The following PRKAR2B variants were observed in gnomAD, a reference collection of about 807,000 sequenced individuals.
PRKAR2B encodes the protein cAMP-dependent protein kinase type II-beta regulatory subunit.
A neutral mutation model predicts 49.9 loss-of-function variants in PRKAR2B; 14 were observed. That is an observed-to-expected ratio of 0.28 (90% CI 0.19 to 0.44). The LOEUF (loss-of-function observed/expected upper bound fraction) is 0.44, where lower values mean the gene tolerates loss of function less well. PRKAR2B is among the 20% of genes least tolerant of loss of function. The pLI, the probability that PRKAR2B is intolerant of heterozygous loss-of-function variation, is 1.00. For synonymous variants in PRKAR2B, 196 were observed against 197.7 expected, an observed-to-expected ratio of 0.99 and a Z score of 0.07; for missense variants, 393 against 537.9, an observed-to-expected ratio of 0.73 and a Z score of 2.67.
At chr7:107,075,711 G>A (rs982270759) in intron 2 of PRKAR2B, among the ~76,000 whole-genome samples, 7 of 152,070 alleles carry the variant, frequency 4.6e-5, no homozygotes, top group South Asian at 2.1e-4. Context: ...CCCCAGCAGA[G>A]AGTCTAGGCT....
At chr7:107,074,259 A>G (rs1794347458) in intron 2 of PRKAR2B, among the ~76,000 whole-genome samples, 1 of 151,660 alleles carries the variant, frequency 6.6e-6, no homozygotes, top group Non-Finnish European at 1.5e-5. Context: ...GTACGCCACC[A>G]TGCCTGGCTA....
intron 2 of PRKAR2B, among the ~76,000 whole-genome samples, chr7:107,090,830 A>G (rs1182005759): frequency 6.6e-6 from 1 of 152,254 alleles, no homozygotes; most frequent in African/African-American, 2.4e-5. Flanking sequence ...AATACTTAAC[A>G]TAGAATGACA....
At chr7:107,085,707 A>T (rs991250536) in intron 2 of PRKAR2B, among the ~76,000 whole-genome samples, 18 of 152,102 alleles carry the variant, frequency 1.2e-4, no homozygotes, top group Non-Finnish European at 2.6e-4. Context: ...TTAATAGTGT[A>T]TTGTGTTCTA....
At chr7:107,096,208 G>A (rs561976743) in intron 2 of PRKAR2B, among the ~76,000 whole-genome samples, 3 of 152,210 alleles carry the variant, frequency 2.0e-5, no homozygotes, top group South Asian at 2.1e-4. Context: ...TTAGGGATTC[G>A]ACTTTTTCCT....
At chr7:107,072,874 A>G (rs182616476) in intron 2 of PRKAR2B, among the ~76,000 whole-genome samples, 59 of 152,332 alleles carry the variant, frequency 3.9e-4, no homozygotes, top group Middle Eastern at 3.4e-3. Flanking sequence ...TAATGTAAGA[A>G]TGGTAATTTA....
At chr7:107,138,826 A>G (rs1291834794) in intron 4 of PRKAR2B, among the ~76,000 whole-genome samples, 1 of 152,038 alleles carries the variant, frequency 6.6e-6, no homozygotes, top group Non-Finnish European at 1.5e-5. Context: ...TGAGACGACA[A>G]GTGTGCACCA....
Position 107,137,608 on chromosome 7 carries a change from A to G in PRKAR2B, c.481-3239A>G, listed in dbSNP as rs114582210. ...GAAGATCATGCATATCTAAAATTTT[A>G]TTAAATTTTGACAAATGGCTTTTTT... On this transcript the variant is annotated intron_variant, in intron 4 of 10. Transcript: ENST00000265717. Among the ~76,000 whole-genome samples the G allele has an allele frequency of 9.6e-3, 1,466 of 152,292 alleles. 25 individuals carry two copies. Among genetic ancestry groups the G allele is most frequent in the African/African-American group, 0.032 (1,346 of 41,560 alleles).
At chr7:107,073,829 G>C (rs189146457) in intron 2 of PRKAR2B, among the ~76,000 whole-genome samples, 1 of 152,206 alleles carries the variant, frequency 6.6e-6, no homozygotes, top group Admixed American at 6.5e-5. Flanking sequence ...GGGAGGCCGT[G>C]GTGGGCGGAT....
chr7:107,108,095 G>A (rs577488870), intron 2 of PRKAR2B, among the ~76,000 whole-genome samples: 10 of 152,238 alleles, frequency 6.6e-5, no homozygotes, highest in South Asian at 4.1e-4. Context: ...CCCTAACAGG[G>A]TGCCAAATGC....
At chr7:107,073,750 T>A (rs1373049246) in intron 2 of PRKAR2B, among the ~76,000 whole-genome samples, 1 of 152,124 alleles carries the variant, frequency 6.6e-6, no homozygotes, top group African/African-American at 2.4e-5. Flanking sequence ...TAATAATCCC[T>A]TCTTATCAGT....
intron 1 of PRKAR2B, among the ~76,000 whole-genome samples, chr7:107,050,645 G>A (rs940990603): frequency 2.0e-5 from 3 of 152,088 alleles, no homozygotes; most frequent in African/African-American, 7.2e-5. Context: ...GTTGGGGAAT[G>A]ATGGAATATT....
At chr7:107,148,038 T>G (rs1370673875) in intron 6 of PRKAR2B, among the ~76,000 whole-genome samples, 1 of 152,226 alleles carries the variant, frequency 6.6e-6, no homozygotes, top group African/African-American at 2.4e-5. Context: ...GATGAGTCAC[T>G]TTTTTAAGGT....
intron 1 of PRKAR2B, among the ~76,000 whole-genome samples, chr7:107,057,761 T>C (rs907210757): frequency 6.6e-6 from 1 of 151,630 alleles, no homozygotes; most frequent in African/African-American, 2.4e-5. Flanking sequence ...AGCATTAATG[T>C]GTGTTAAAAA....
At chr7:107,106,651 C>T (rs1370842152) in intron 2 of PRKAR2B, among the ~76,000 whole-genome samples, 1 of 152,190 alleles carries the variant, frequency 6.6e-6, no homozygotes, top group African/African-American at 2.4e-5. Flanking sequence ...TGAGGTCCCA[C>T]TCCTGGTGGC....
At chr7:107,112,215 A>ACTAGG (rs1247797383) in intron 2 of PRKAR2B, among the ~76,000 whole-genome samples, 1 of 150,506 alleles carries the variant, frequency 6.6e-6, no homozygotes, top group Non-Finnish European at 1.5e-5. Flanking sequence ...CAAAAACCAA[A>ACTAGG]CTAGGCATCC....
chr7:107,098,095 T>C (rs922386709), intron 2 of PRKAR2B, among the ~76,000 whole-genome samples: 1 of 152,264 alleles, frequency 6.6e-6, no homozygotes, highest in African/African-American at 2.4e-5. Context: ...GATAATATCC[T>C]GAAGAGTGTT....
chr7:107,084,095 A>T (rs934879699), intron 2 of PRKAR2B, among the ~76,000 whole-genome samples: 7 of 152,056 alleles, frequency 4.6e-5, no homozygotes, highest in African/African-American at 1.4e-4. Flanking sequence ...TATGTTAAAT[A>T]TTTTTTTGCA....
rs1796182634 is a variant in PRKAR2B at position 107,160,704 on chromosome 7, C to T, written c.*1122C>T. 6.6e-6 allele frequency: 1 copy of T among 151,962 alleles called. No homozygotes were observed. Among genetic ancestry groups the T allele is most frequent in the Admixed American group, 6.6e-5 (1 of 15,260 alleles). 9.4% of individuals were successfully genotyped at this position (151,962 alleles called of 1,614,324 possible). On this transcript the variant is annotated 3_prime_UTR_variant, in exon 11 of 11. Coordinates refer to ENST00000265717, the MANE Select transcript of PRKAR2B (RefSeq NM_002736.3). The stretch of plus-strand genomic sequence containing the variant: ...AGAAACAAATTTTTATGAGCATAAC[C>T]CTATATAAAGACAAAATGAATTTCT...
intron 3 of PRKAR2B, among the ~76,000 whole-genome samples, chr7:107,124,836 CTT>C (rs1382206968): frequency 1.3e-5 from 2 of 151,512 alleles, no homozygotes; most frequent in Non-Finnish European, 2.9e-5. Flanking sequence ...AGTTGGCAAA[CTT>C]TTTTTGGTAA....
Sources: gnomAD v4.1 joint callset for allele counts (sites outside exome capture counted in the v4.1 genomes callset) on GRCh38, gnomAD v4.1.1 for gene constraint, MANE v1.5 for transcripts, NCBI Gene and HGNC (gene_info 2026-07-23, HGNC 2026-07-21) for gene names.